Variants in PLS3 observed in about 807,000 individuals in gnomAD.
PLS3 encodes the protein plastin-3.
Under a neutral mutation model 46.5 loss-of-function variants are expected in PLS3, and 11 were observed. The ratio of observed to expected loss-of-function variants is 0.24; its 90% confidence interval spans 0.15 to 0.39. The LOEUF (loss-of-function observed/expected upper bound fraction) is 0.39, where lower values mean the gene tolerates loss of function less well. PLS3 is among the 10% of genes least tolerant of loss of function. The pLI, the probability that PLS3 is intolerant of heterozygous loss-of-function variation, is 1.00. For missense variants in PLS3, 308 were observed against 461.8 expected (o/e 0.67, Z 3.05); for synonymous variants, 167 against 162.2 (o/e 1.03, Z -0.22).
Position 115,576,549 on chromosome X carries a change from AT to A in PLS3, c.-9+15290del, listed in dbSNP as rs1404002165. On this transcript the variant is annotated intron_variant, in intron 1 of 15. Transcript: ENST00000355899. ...GTGAGAGAGATCCTGTCTCAAAAAA[AT>A]AAAATAAAATAATATCCTGCAATTT... Among the ~76,000 whole-genome samples the A allele has an allele frequency of 2.7e-5, 3 of 112,027 alleles. No individual in the cohort carries two copies. In the East Asian group the frequency reaches 8.4e-4, roughly 31 times the overall value.
intron 1 of PLS3, among the ~76,000 whole-genome samples, chrX:115,573,632 C>T (rs972313390): frequency 1.8e-5 from 2 of 111,877 alleles, no homozygotes; most frequent in African/African-American, 6.5e-5. Context: ...TATTTTGACT[C>T]GTGGATAATA....
intron 1 of PLS3, among the ~76,000 whole-genome samples, chrX:115,593,900 A>C (rs958720714): frequency 2.7e-5 from 3 of 110,880 alleles, no homozygotes; most frequent in Non-Finnish European, 5.7e-5. Context: ...GGGAGTTTAT[A>C]CTTTTTAAAA....
At chrX:115,630,918 T>A (rs1252183449) in intron 5 of PLS3, among the ~76,000 whole-genome samples, 2 of 96,456 alleles carry the variant, frequency 2.1e-5, no homozygotes, top group Non-Finnish European at 4.0e-5. Flanking sequence ...CATGTATATA[T>A]GTATATATAC....
intron 1 of PLS3, among the ~76,000 whole-genome samples, chrX:115,607,056 C>T (rs941712858): frequency 8.2e-5 from 9 of 110,426 alleles, no homozygotes; most frequent in African/African-American, 3.0e-4. Flanking sequence ...AATTCAAGAT[C>T]AGCCAGGGCA....
In PLS3 at chrX:115,629,848, T is replaced by C. The variant is rs1556639003; in HGVS notation, c.381T>C (p.Tyr127=). ...ACATAATTTTAGAGGAAGAAAAATA[T>C]GCTTTTGTTAACTGGATAAACAAAG... ...TQHSYSEEEK[Y]AFVNWINKAL... is the part of the protein sequence containing the mutation. Residue 127 remains tyrosine (Y), a synonymous_variant, in exon 5 of 16, where the codon TAT becomes TAC. Transcript: ENST00000355899. 8.9e-6 allele frequency: 10 copies of C among 1,123,418 alleles called. No homozygotes were observed. The highest frequency in any genetic ancestry group is 9.7e-6 in the Non-Finnish European group (8 of 822,708). 92.6% of individuals were successfully genotyped at this position (1,123,418 alleles called of 1,213,427 possible).
chrX:115,582,831 G>A (rs371483994), intron 1 of PLS3, among the ~76,000 whole-genome samples: 1 of 112,423 alleles, frequency 8.9e-6, no homozygotes, highest in Non-Finnish European at 1.9e-5. Context: ...TTGAGGACAG[G>A]AGTTTGAGAT....
chrX:115,649,373 C>T (rs913311464), intron 15 of PLS3, 56 bp from the exon 16 acceptor site: 114 of 1,017,645 alleles, frequency 1.1e-4, no homozygotes, highest in Non-Finnish European at 1.5e-4. Flanking sequence ...AGATGTCTTA[C>T]GTGGTGTCCT....
intron 2 of PLS3, among the ~76,000 whole-genome samples, chrX:115,612,609 T>C (rs1483907210): frequency 9.0e-6 from 1 of 111,613 alleles, no homozygotes; most frequent in Non-Finnish European, 1.9e-5. Context: ...AATCATTAGA[T>C]GATTTTCCCC....
intron 1 of PLS3, among the ~76,000 whole-genome samples, chrX:115,571,104 C>T (rs782725981): frequency 1.9e-4 from 21 of 110,284 alleles, no homozygotes; most frequent in Non-Finnish European, 3.2e-4. Context: ...CTGTGTTAGC[C>T]AGGATGGTCT....
intron 1 of PLS3, among the ~76,000 whole-genome samples, chrX:115,593,783 T>C (rs1395697752): frequency 1.8e-4 from 20 of 111,883 alleles, no homozygotes; most frequent in African/African-American, 6.2e-4. Context: ...TTTAAAAATA[T>C]TATTTATTCA....
At chrX:115,619,149 A>G (rs2074624984) in intron 2 of PLS3, among the ~76,000 whole-genome samples, 1 of 112,170 alleles carries the variant, frequency 8.9e-6, no homozygotes, top group Admixed American at 9.5e-5. Context: ...TCTGATTTAG[A>G]ATCAGTGTGA....
intron 1 of PLS3, among the ~76,000 whole-genome samples, chrX:115,596,254 A>G (rs1457361445): frequency 8.9e-6 from 1 of 111,896 alleles, no homozygotes; most frequent in African/African-American, 3.3e-5. Flanking sequence ...ATGTGTTTTT[A>G]AAACCACGTG....
At chrX:115,574,082 C>T (rs2074233831) in intron 1 of PLS3, among the ~76,000 whole-genome samples, 1 of 111,647 alleles carries the variant, frequency 9.0e-6, no homozygotes, top group Non-Finnish European at 1.9e-5. Context: ...GGGATAGCAT[C>T]AAAGCCATGT....
At chrX:115,636,388 A>G (rs999604321) in intron 7 of PLS3, among the ~76,000 whole-genome samples, 6 of 110,084 alleles carry the variant, frequency 5.5e-5, no homozygotes, top group Non-Finnish European at 9.5e-5. Flanking sequence ...TTGAATTTTT[A>G]GTAGAGATGG....
rs186978514 is a variant in PLS3, at chrX:115,629,124, A to G, written c.238-74A>G. ...GAAAAAATGTAAGTGATCAAGATATAAAAGAATATAAATATGCTTATTGTG... is the reference window on the plus strand; with the variant it reads ...GAAAAAATGTAAGTGATCAAGATATGAAAGAATATAAATATGCTTATTGTG... On this transcript the variant is annotated intron_variant, in intron 3 of 15. Transcript: ENST00000355899. 283 of 716,668 alleles carry G rather than the reference A, an allele frequency of 3.9e-4. 2 individuals carry two copies. The East Asian group carries it at 9.4e-3, about 24-fold the overall frequency. 59.1% of individuals were successfully genotyped at this position (716,668 alleles called of 1,213,427 possible).
intron 3 of PLS3, among the ~76,000 whole-genome samples, chrX:115,626,286 CT>C (rs199906155): frequency 0.018 from 1,865 of 101,396 alleles, 43 homozygotes; most frequent in African/African-American, 0.058. Flanking sequence ...ATCATTTTTA[CT>C]TTTTTTTTTT....
At chrX:115,573,752 G>A (rs987586000) in intron 1 of PLS3, among the ~76,000 whole-genome samples, 7 of 111,153 alleles carry the variant, frequency 6.3e-5, no homozygotes, top group Admixed American at 2.9e-4. Flanking sequence ...TGCCCAGACT[G>A]GAGTGCAGTG....
At chrX:115,629,709 C>A in intron 4 of PLS3, 126 bp from the exon 5 acceptor site, 1 of 451,833 alleles carries the variant, frequency 2.2e-6, no homozygotes, top group Non-Finnish European at 3.7e-6. Context: ...GGTTTCCACA[C>A]AGAATAACCA....
At chrX:115,576,871 G>A (rs1603219571) in intron 1 of PLS3, among the ~76,000 whole-genome samples, 1 of 112,511 alleles carries the variant, frequency 8.9e-6, no homozygotes, top group Admixed American at 9.4e-5. Context: ...AATGTGCCTG[G>A]CACACTAACA....
Sources: gnomAD v4.1 joint callset for allele counts (sites outside exome capture counted in the v4.1 genomes callset) on GRCh38, gnomAD v4.1.1 for gene constraint, MANE v1.5 for transcripts, NCBI Gene and HGNC (gene_info 2026-07-23, HGNC 2026-07-21) for gene names.